Variants in CADM4 observed in about 807,000 individuals in gnomAD.
CADM4 encodes the protein TSLC1-like 2.
Under a neutral mutation model 43.9 loss-of-function variants are expected in CADM4, and 13 were observed. That is an observed-to-expected ratio of 0.30 (90% confidence interval 0.19 to 0.47). The LOEUF (loss-of-function observed/expected upper bound fraction) is 0.47, where lower values mean the gene tolerates loss of function less well. Among genes scored for constraint, CADM4 ranks in the 20% least tolerant of loss-of-function variants. CADM4 has a pLI of 1.00. For missense variants in CADM4, 420 were observed against 527.0 expected, an observed-to-expected ratio of 0.80 and a Z score of 1.99; for synonymous variants, 209 against 220.9, an observed-to-expected ratio of 0.95 and a Z score of 0.48.
In CADM4 at chr19:43,627,344, G is replaced by A. The variant is rs755616112; in HGVS notation, c.212-26C>T. ...CTAGAGAGAGTGAGGGGGAAGGTGT[G>A]AATTTCGGGAGTCCTGGCCTCACAA... On this transcript the variant is annotated intron_variant, in intron 2 of 8. Transcript: ENST00000222374. The surrounding 1 kb of genome is among the most constrained non-coding windows in gnomAD (Gnocchi z 4.0). The A allele has an allele frequency of 1.3e-6, 2 of 1,543,364 alleles. No homozygotes were observed. Among genetic ancestry groups the A allele is most frequent in the African/African-American group, 1.4e-5 (1 of 73,158 alleles).
In CADM4 at chr19:43,626,727, A is replaced by C. The variant is rs368531238; in HGVS notation, c.499+57T>G. ...CTGTGGCTCCTCTCCACATATAAAC[A>C]ACCTCTCCTAAGTCCCACCTCCTCC... On this transcript the variant is annotated intron_variant, in intron 4 of 8. Coordinates refer to ENST00000222374, the MANE Select transcript of CADM4 (RefSeq NM_145296.2). This position sits in a 1 kb window ranked among gnomAD's most constrained non-coding sequence, Gnocchi z 5.9. The C allele has an allele frequency of 1.3e-6, 2 of 1,496,580 alleles. No homozygotes were observed. Among genetic ancestry groups the C allele is most frequent in the African/African-American group, 2.8e-5 (2 of 70,844 alleles). 92.7% of individuals were successfully genotyped at this position (1,496,580 alleles called of 1,614,324 possible).
chr19:43,629,689 G>T (rs1973587826), intron 1 of CADM4, among the ~76,000 whole-genome samples: 1 of 152,022 alleles, frequency 6.6e-6, no homozygotes, highest in South Asian at 2.1e-4. Context: ...TGTGATCTCA[G>T]CTCATTGAAA....
Position 43,623,297 on chromosome 19 carries a change from A to G in CADM4, c.*33T>C, listed in dbSNP as rs763381790. On this transcript the variant is annotated 3_prime_UTR_variant, in exon 9 of 9. Transcript: ENST00000222374. The surrounding 1 kb of genome is among the most constrained non-coding windows in gnomAD (Gnocchi z 4.4). ...CTGGCAGTGGGGGGGACCCCAGCCC[A>G]GGCCCAGGCCTAGGCCTGGGGTGGG... 5 of 1,542,504 alleles carry G rather than the reference A, an allele frequency of 3.2e-6. No homozygotes were observed. The highest frequency in any genetic ancestry group is 4.5e-6 in the Non-Finnish European group (5 of 1,116,446).
intron 7 of CADM4, chr19:43,624,797 TTACA>T: frequency 2.2e-6 from 1 of 461,208 alleles, no homozygotes; most frequent in Non-Finnish European, 3.9e-6. Flanking sequence ...TCCAACCACC[TTACA>T]TATTTAGTTC....
At position 43,627,932 on chromosome 19, in the gene CADM4, G is replaced by T. The variant is rs138811358; in HGVS notation, c.65-142C>A. ...CCATTGCACTGAACATTTCCTGCAG[G>T]CTAGAGTCCAGGACAGGGAGGAAAT... On this transcript the variant is annotated intron_variant, in intron 1 of 8. Coordinates refer to ENST00000222374, the MANE Select transcript of CADM4 (RefSeq NM_145296.2). This position sits in a 1 kb window ranked among gnomAD's most constrained non-coding sequence, Gnocchi z 4.0. 6.0e-6 allele frequency: 5 copies of T among 834,522 alleles called. No individual in the cohort carries two copies. The highest frequency in any genetic ancestry group is 9.4e-6 in the Non-Finnish European group (5 of 533,596). The allele number at this position is 834,522 out of a possible 1,614,324, so 51.7% of individuals were successfully genotyped here.
At chr19:43,624,748 A>G (rs1450414814) in intron 7 of CADM4, 2 of 336,038 alleles carry the variant, frequency 6.0e-6, no homozygotes, top group South Asian at 4.5e-5. Context: ...CCCCACCGTC[A>G]TAGAGCTAAA....
In CADM4 at chr19:43,626,775, C is replaced by T. The variant is rs1377496553; in HGVS notation, c.499+9G>A. ...TCCCCATCCCTTGTCAGCACTCGGC[C>T]CAGGGTACCTTTCAGCTCCTTGCGG... On this transcript the variant is annotated intron_variant, in intron 4 of 8. Coordinates refer to ENST00000222374, the MANE Select transcript of CADM4 (RefSeq NM_145296.2). The surrounding 1 kb of genome is among the most constrained non-coding windows in gnomAD (Gnocchi z 5.9). 1 of 1,573,146 alleles carries T rather than the reference C, an allele frequency of 6.4e-7. No homozygotes were observed. Among genetic ancestry groups the T allele is most frequent in the South Asian group, 1.2e-5 (1 of 86,956 alleles).
rs989449435 is a variant in CADM4 at position 43,627,388 on chromosome 19, G to T, written c.212-70C>A. The T allele has an allele frequency of 6.7e-7, 1 of 1,488,810 alleles. No individual in the cohort carries two copies. The highest frequency in any genetic ancestry group is 9.0e-7 in the Non-Finnish European group (1 of 1,111,932). 92.2% of individuals were successfully genotyped at this position (1,488,810 alleles called of 1,614,324 possible). A position where few individuals can be genotyped will look rare whatever the true frequency, so the allele number is the denominator to read the frequency against. ...CTCACAAGTCCCACCCTTCCGACAG[G>T]AGCTTAGAGTCCAGCCCTCTGCCTC... On this transcript the variant is annotated intron_variant, in intron 2 of 8. Transcript: ENST00000222374. The surrounding 1 kb of genome is among the most constrained non-coding windows in gnomAD (Gnocchi z 4.0).
chr19:43,627,506 G>C lies in CADM4; in HGVS notation c.211+138C>G. On this transcript the variant is annotated intron_variant, in intron 2 of 8. Transcript: ENST00000222374. This position sits in a 1 kb window ranked among gnomAD's most constrained non-coding sequence, Gnocchi z 4.0. ...TCAAGTCCTCCTGCCTGCAGGACCA[G>C]CAGTCCGGGACCCCAGCCCTTTCTT... 1 of 1,206,956 alleles carries C rather than the reference G, an allele frequency of 8.3e-7. No individual in the cohort carries two copies. Among genetic ancestry groups the C allele is most frequent in the Non-Finnish European group, 1.1e-6 (1 of 881,442 alleles). 74.8% of individuals were successfully genotyped at this position (1,206,956 alleles called of 1,614,324 possible).
chr19:43,638,625 G>A lies in CADM4; in HGVS notation c.64+1102C>T, dbSNP rs536234166. On this transcript the variant is annotated intron_variant, in intron 1 of 8. Transcript: ENST00000222374. The stretch of plus-strand genomic sequence containing the variant: ...CCCATTCTCAGGGTCACCCAACCTC[G>A]GGGGTCTCCAGCTTCTCACAGTGTG... Among the ~76,000 whole-genome samples, 98 of 152,328 alleles carry A rather than the reference G, an allele frequency of 6.4e-4. 3 individuals are homozygous for A. Among genetic ancestry groups the A allele is most frequent in the East Asian group, 5.8e-3 (30 of 5,184 alleles).
At chr19:43,631,316 G>A (rs1973620998) in intron 1 of CADM4, among the ~76,000 whole-genome samples, 1 of 151,718 alleles carries the variant, frequency 6.6e-6, no homozygotes. Context: ...AGTCCAGCCT[G>A]GGTGACAGAG....
chr19:43,626,690 G>A lies in CADM4; in HGVS notation c.499+94C>T. ...AACCACTACATATTGAATGTCCAGTGTCTGTGAAAACCTGTGGCTCCTCTC... is the reference window on the plus strand; with the variant it reads ...AACCACTACATATTGAATGTCCAGTATCTGTGAAAACCTGTGGCTCCTCTC... On this transcript the variant is annotated intron_variant, in intron 4 of 8. Transcript: ENST00000222374. This position sits in a 1 kb window ranked among gnomAD's most constrained non-coding sequence, Gnocchi z 5.9. The A allele has an allele frequency of 4.2e-6, 6 of 1,436,588 alleles. No individual in the cohort carries two copies. Among genetic ancestry groups the A allele is most frequent in the South Asian group, 1.4e-5 (1 of 69,176 alleles). 89.0% of individuals were successfully genotyped at this position (1,436,588 alleles called of 1,614,324 possible). A position where few individuals can be genotyped will look rare whatever the true frequency, so the allele number is the denominator to read the frequency against.
chr19:43,636,507 T>C (rs1427689633), intron 1 of CADM4, among the ~76,000 whole-genome samples: 1 of 152,162 alleles, frequency 6.6e-6, no homozygotes, highest in Non-Finnish European at 1.5e-5. Context: ...CTGCTCCCTA[T>C]GGGCCTGGGG....
chr19:43,637,983 A>G (rs1343102071), intron 1 of CADM4, among the ~76,000 whole-genome samples: 3 of 152,190 alleles, frequency 2.0e-5, no homozygotes, highest in Non-Finnish European at 4.4e-5. Flanking sequence ...CCAGGATTCT[A>G]TGAGCCTGGT....
rs1973466579 is a variant in CADM4 at position 43,623,218 on chromosome 19, G to T, written c.*112C>A. 1 of 773,312 alleles carries T rather than the reference G, an allele frequency of 1.3e-6. No individual in the cohort carries two copies. Among genetic ancestry groups the T allele is most frequent in the Non-Finnish European group, 2.3e-6 (1 of 439,296 alleles). 47.9% of individuals were successfully genotyped at this position (773,312 alleles called of 1,614,324 possible). ...AAGCGTCTGAGGTGTTAGTGGTGGGGGGAGAAGCCCACCATCCCAGACTCT... is the reference window on the plus strand; with the variant it reads ...AAGCGTCTGAGGTGTTAGTGGTGGGTGGAGAAGCCCACCATCCCAGACTCT... On this transcript the variant is annotated 3_prime_UTR_variant, in exon 9 of 9. Transcript: ENST00000222374. The surrounding 1 kb of genome is among the most constrained non-coding windows in gnomAD (Gnocchi z 4.4).
chr19:43,633,053 CAG>C (rs1245295935), intron 1 of CADM4, among the ~76,000 whole-genome samples: 1 of 136,150 alleles, frequency 7.3e-6, no homozygotes, highest in African/African-American at 2.8e-5. Context: ...ACCTGGGTGA[CAG>C]AGAGAGACTC....
At chr19:43,633,071 CAAAAAA>C (rs1167707172) in intron 1 of CADM4, among the ~76,000 whole-genome samples, 1 of 56,992 alleles carries the variant, frequency 1.8e-5, no homozygotes, top group African/African-American at 6.5e-5. Context: ...GACTCTGTCT[CAAAAAA>C]AAAAAAAAAA....
chr19:43,630,281 CTTTTTTTTT>C (rs59489315), intron 1 of CADM4, among the ~76,000 whole-genome samples: 2 of 73,442 alleles, frequency 2.7e-5, no homozygotes, highest in African/African-American at 1.2e-4. Flanking sequence ...TTTTTCTTTT[CTTTTTTTTT>C]TTTTTTTTTT....
In CADM4 at chr19:43,626,092, A is replaced by ATCCCTTGGG; in HGVS notation, c.664+23_664+31dup. 3 of 1,612,086 alleles carry ATCCCTTGGG rather than the reference A, an allele frequency of 1.9e-6. No individual in the cohort carries two copies. Among genetic ancestry groups the ATCCCTTGGG allele is most frequent in the Non-Finnish European group, 2.5e-6 (3 of 1,178,976 alleles). On this transcript the variant is annotated intron_variant, in intron 5 of 8. Coordinates refer to ENST00000222374, the MANE Select transcript of CADM4 (RefSeq NM_145296.2). This position sits in a 1 kb window ranked among gnomAD's most constrained non-coding sequence, Gnocchi z 5.9. The stretch of plus-strand genomic sequence containing the variant: ...GCGGGTGCGGGTGGCTGGCGTTGGG[A>ATCCCTTGGG]TCCCTTGGGTCCTGGCCCGCCGGTC...
Sources: gnomAD v4.1 joint callset for allele counts (sites outside exome capture counted in the v4.1 genomes callset) on GRCh38, gnomAD v4.1.1 for gene constraint, Gnocchi (gnomAD v3.1) non-coding constraint, MANE v1.5 for transcripts, NCBI Gene and HGNC (gene_info 2026-07-23, HGNC 2026-07-21) for gene names.